RTN4RL1: variants seen among roughly 807,000 people sequenced by gnomAD.
RTN4RL1 encodes reticulon-4 receptor-like 1.
Under a neutral mutation model 25.6 loss-of-function variants are expected in RTN4RL1, and 7 were observed. The ratio of observed to expected loss-of-function variants is 0.27; its 90% confidence interval spans 0.16 to 0.51. The LOEUF is 0.51. Among genes scored for constraint, RTN4RL1 ranks in the 20% least tolerant of loss-of-function variants. The pLI, the probability that RTN4RL1 is intolerant of heterozygous loss-of-function variation, is 0.97. For synonymous variants in RTN4RL1, 297 were observed against 288.2 expected, an observed-to-expected ratio of 1.03 and a Z score of -0.31; for missense variants, 500 against 615.6, an observed-to-expected ratio of 0.81 and a Z score of 1.99.
chr17:1,995,461 G>A lies in RTN4RL1; in HGVS notation c.13+29392C>T, dbSNP rs531212186. Among the ~76,000 whole-genome samples the A allele has an allele frequency of 2.6e-5, 4 of 152,010 alleles. No individual in the cohort carries two copies. The East Asian group carries it at 7.7e-4, about 29-fold the overall frequency. ...AAAAAAAAAAAGATAGGCATGGCAGGGGAACCTCTACAGCCAGGAGGGCCT... is the reference window on the plus strand; with the variant it reads ...AAAAAAAAAAAGATAGGCATGGCAGAGGAACCTCTACAGCCAGGAGGGCCT... On this transcript the variant is annotated intron_variant, in intron 1 of 1. Transcript: ENST00000331238.
rs1376263735 is a variant in RTN4RL1 at position 1,994,503 on chromosome 17, G to T, written c.13+30350C>A. On this transcript the variant is annotated intron_variant, in intron 1 of 1. Coordinates refer to ENST00000331238, the MANE Select transcript of RTN4RL1 (RefSeq NM_178568.4). This position sits in a 1 kb window ranked among gnomAD's most constrained non-coding sequence, Gnocchi z 4.3. ...CAATTCTCAGGTCAGAAAATGCCAA[G>T]GGGCCTGCTCCATCCCCTTCCCACC... 6.6e-6 allele frequency among the ~76,000 whole-genome samples: 1 copy of T among 152,192 alleles called. No individual in the cohort carries two copies. Among genetic ancestry groups the T allele is most frequent in the Non-Finnish European group, 1.5e-5 (1 of 68,028 alleles).
At chr17:1,991,487 A>C (rs2066908896) in intron 1 of RTN4RL1, among the ~76,000 whole-genome samples, 1 of 151,700 alleles carries the variant, frequency 6.6e-6, no homozygotes, top group African/African-American at 2.4e-5. Context: ...CAAAGAACAC[A>C]AAAGGGTATA....
At chr17:1,939,396 T>C (rs4430781) in intron 1 of RTN4RL1, among the ~76,000 whole-genome samples, 81,811 of 144,598 alleles carry the variant, frequency 0.57, 23,776 homozygotes, top group Non-Finnish European at 0.68. Flanking sequence ...ATAAATAAAA[T>C]ACAGACAATA....
intron 1 of RTN4RL1, among the ~76,000 whole-genome samples, chr17:1,953,280 C>A (rs1419669596): frequency 6.7e-6 from 1 of 149,674 alleles, no homozygotes; most frequent in Non-Finnish European, 1.5e-5. Flanking sequence ...GTGGCATGCA[C>A]CTGTAGTCCC....
At chr17:1,970,185 C>T (rs1007162691) in intron 1 of RTN4RL1, among the ~76,000 whole-genome samples, 1 of 152,124 alleles carries the variant, frequency 6.6e-6, no homozygotes, top group Non-Finnish European at 1.5e-5. Flanking sequence ...CCACGCCTGG[C>T]CAATTTTCTG....
At chr17:2,007,337 A>AACACACAC (rs34669886) in intron 1 of RTN4RL1, among the ~76,000 whole-genome samples, 7,911 of 140,314 alleles carry the variant, frequency 0.056, 334 homozygotes, top group South Asian at 0.14. Flanking sequence ...TCACAGCCCC[A>AACACACAC]ACACACACAC....
chr17:1,990,123 GCTGAGGCTGGAGGATCAC>G (rs1214997698), intron 1 of RTN4RL1, among the ~76,000 whole-genome samples: 2 of 152,052 alleles, frequency 1.3e-5, no homozygotes, highest in Non-Finnish European at 2.9e-5. Context: ...TATTTGGGAA[GCTGAGGCTGGAGGATCAC>G]CTGAGGCCAA....
chr17:1,978,635 G>GA (rs200693252), intron 1 of RTN4RL1, among the ~76,000 whole-genome samples: 1 of 78,614 alleles, frequency 1.3e-5, no homozygotes, highest in Non-Finnish European at 2.8e-5. Flanking sequence ...CCGGAAAATG[G>GA]GGGGGGTGGA....
intron 1 of RTN4RL1, among the ~76,000 whole-genome samples, chr17:2,005,914 A>G (rs1347250390): frequency 2.7e-5 from 4 of 147,904 alleles, no homozygotes; most frequent in Non-Finnish European, 5.9e-5. Context: ...CTCCTGCCTC[A>G]GCCTCCCGAG....
At chr17:1,999,579 A>G (rs1215493808) in intron 1 of RTN4RL1, among the ~76,000 whole-genome samples, 1 of 152,120 alleles carries the variant, frequency 6.6e-6, no homozygotes, top group Non-Finnish European at 1.5e-5. Flanking sequence ...GTCGGTGTAC[A>G]CACAAGCACA....
chr17:1,966,038 GGAGCTAAGGAAGGAGCCCA>G (rs2066789669), intron 1 of RTN4RL1, among the ~76,000 whole-genome samples: 3 of 152,136 alleles, frequency 2.0e-5, no homozygotes, highest in Admixed American at 6.6e-5. Context: ...GAGCGGCTCT[GGAGCTAAGGAAGGAGCCCA>G]GCCTCCTGCT....
At position 1,937,821 on chromosome 17, in the gene RTN4RL1, G is replaced by A; in HGVS notation, c.14-13C>T. ...TCCACACAGCACCCTGGCAGGGAGA[G>A]AGAGCACAGCCAGGTCAGGGGCCGT... On this transcript the variant is annotated splice_polypyrimidine_tract_variant and intron_variant, in intron 1 of 1. Coordinates refer to ENST00000331238, the MANE Select transcript of RTN4RL1 (RefSeq NM_178568.4). 2 of 1,565,844 alleles carry A rather than the reference G, an allele frequency of 1.3e-6. No individual in the cohort carries two copies. The highest frequency in any genetic ancestry group is 2.2e-5 in the East Asian group (1 of 44,446).
chr17:2,017,239 C>T (rs1037558287), intron 1 of RTN4RL1, among the ~76,000 whole-genome samples: 1 of 152,222 alleles, frequency 6.6e-6, no homozygotes, highest in African/African-American at 2.4e-5. Flanking sequence ...CCTCAGTGGG[C>T]TGAAAGTTGG....
intron 1 of RTN4RL1, among the ~76,000 whole-genome samples, chr17:1,975,937 G>A (rs12948582): frequency 0.27 from 41,767 of 152,106 alleles, 6,050 homozygotes; most frequent in Admixed American, 0.4. Context: ...ACAGTAGCCC[G>A]TACAAATACT....
chr17:1,967,701 G>A (rs1567512394), intron 1 of RTN4RL1, among the ~76,000 whole-genome samples: 4 of 151,560 alleles, frequency 2.6e-5, no homozygotes, highest in Admixed American at 1.3e-4. Flanking sequence ...GTGCAATGGC[G>A]CCATCTCAGC....
At chr17:2,021,939 GC>G (rs2067212217) in intron 1 of RTN4RL1, among the ~76,000 whole-genome samples, 1 of 144,836 alleles carries the variant, frequency 6.9e-6, no homozygotes, top group African/African-American at 2.6e-5. Flanking sequence ...GCCCACTGCA[GC>G]CCCCACCTCT....
chr17:2,022,399 A>T (rs1385968040), intron 1 of RTN4RL1, among the ~76,000 whole-genome samples: 1 of 152,010 alleles, frequency 6.6e-6, no homozygotes, highest in Non-Finnish European at 1.5e-5. Flanking sequence ...TGATCCTCCT[A>T]CCTCGGCCTC....
chr17:2,007,920 T>C (rs952608328), intron 1 of RTN4RL1, among the ~76,000 whole-genome samples: 1 of 151,244 alleles, frequency 6.6e-6, no homozygotes, highest in Non-Finnish European at 1.5e-5. Flanking sequence ...CACTCCAGCC[T>C]GGGTGACAGA....
At chr17:1,950,844 T>G (rs1395384682) in intron 1 of RTN4RL1, among the ~76,000 whole-genome samples, 13 of 52,738 alleles carry the variant, frequency 2.5e-4, no homozygotes, top group African/African-American at 1.1e-3. Flanking sequence ...AGACACAGTC[T>G]CCAAAAAAAA....
Sources: gnomAD v4.1 joint callset for allele counts (sites outside exome capture counted in the v4.1 genomes callset) on GRCh38, gnomAD v4.1.1 for gene constraint, Gnocchi (gnomAD v3.1) non-coding constraint, MANE v1.5 for transcripts, NCBI Gene and HGNC (gene_info 2026-07-23, HGNC 2026-07-21) for gene names.